Variants in CCSER1 observed in about 807,000 individuals in gnomAD.
CCSER1 encodes serine-rich coiled-coil domain-containing protein 1.
CCSER1 carries 41 observed loss-of-function variants against 82.0 expected under a neutral mutation model. The ratio of observed to expected loss-of-function variants is 0.50; its 90% CI spans 0.39 to 0.65. The LOEUF (loss-of-function observed/expected upper bound fraction) is 0.65, where lower values mean the gene tolerates loss of function less well. Among genes scored for constraint, CCSER1 ranks in the 30% least tolerant of loss-of-function variants. CCSER1 has a pLI of 0.00. For missense variants in CCSER1, 1,119 were observed against 1,064.2 expected, an observed-to-expected ratio of 1.05 and a Z score of -0.72; for synonymous variants, 414 against 383.9, an observed-to-expected ratio of 1.08 and a Z score of -0.92.
At chr4:90,834,278 T>C (rs186748437) in intron 8 of CCSER1, among the ~76,000 whole-genome samples, 1 of 152,326 alleles carries the variant, frequency 6.6e-6, no homozygotes, top group Admixed American at 6.5e-5. Flanking sequence ...AATTTATTTC[T>C]TGCTAAAAAA....
intron 10 of CCSER1, among the ~76,000 whole-genome samples, chr4:91,178,410 G>GTGT (rs34574845): frequency 0.73 from 110,237 of 151,194 alleles, 40,434 homozygotes; most frequent in Non-Finnish European, 0.78. Context: ...TGACAGTGGG[G>GTGT]TAAAGTCTCC....
At chr4:90,521,262 A>C (rs1773090084) in intron 5 of CCSER1, among the ~76,000 whole-genome samples, 1 of 152,164 alleles carries the variant, frequency 6.6e-6, no homozygotes, top group South Asian at 2.1e-4. Flanking sequence ...AAAACCCTTA[A>C]CCTAACCAAT....
chr4:91,277,720 A>G (rs556600363), intron 10 of CCSER1, among the ~76,000 whole-genome samples: 155 of 150,206 alleles, frequency 1.0e-3, no homozygotes, highest in African/African-American at 3.5e-3. Context: ...ATTTTTCTCT[A>G]CTAATTTTGG....
intron 5 of CCSER1, among the ~76,000 whole-genome samples, chr4:90,578,935 T>A (rs57508133): frequency 2.2e-5 from 3 of 133,792 alleles, no homozygotes; most frequent in Non-Finnish European, 3.2e-5. Context: ...TTTAAAGCAT[T>A]GGTACTAATG....
intron 10 of CCSER1, among the ~76,000 whole-genome samples, chr4:91,264,819 G>A (rs1741451849): frequency 6.6e-6 from 1 of 151,908 alleles, no homozygotes; most frequent in Non-Finnish European, 1.5e-5. Context: ...ATTGTGGTTT[G>A]TGAAAGAAAA....
At chr4:91,191,963 T>A (rs1424686581) in intron 10 of CCSER1, among the ~76,000 whole-genome samples, 2 of 152,144 alleles carry the variant, frequency 1.3e-5, no homozygotes, top group Admixed American at 6.6e-5. Context: ...CACTGCTTCA[T>A]CTCCTCTCCT....
chr4:90,816,267 T>C (rs1323253957), intron 8 of CCSER1, among the ~76,000 whole-genome samples: 1 of 152,148 alleles, frequency 6.6e-6, no homozygotes, highest in Non-Finnish European at 1.5e-5. Flanking sequence ...TATAAAGCCA[T>C]CAAAAATACA....
chr4:91,390,984 C>T (rs1339202682), intron 10 of CCSER1, among the ~76,000 whole-genome samples: 3 of 151,910 alleles, frequency 2.0e-5, no homozygotes, highest in African/African-American at 7.3e-5. Flanking sequence ...GTTAGCTTAG[C>T]TAGAGGCTTA....
chr4:90,933,297 C>A (rs1214397294), intron 9 of CCSER1, among the ~76,000 whole-genome samples: 1 of 151,400 alleles, frequency 6.6e-6, no homozygotes, highest in African/African-American at 2.4e-5. Flanking sequence ...ACCGCATTCT[C>A]CTGCCTCAGC....
intron 6 of CCSER1, among the ~76,000 whole-genome samples, chr4:90,629,827 A>G (rs1008946351): frequency 2.0e-5 from 3 of 152,226 alleles, no homozygotes; most frequent in Admixed American, 6.5e-5. Context: ...AATAAATTAT[A>G]TGAACTTAAA....
chr4:91,497,988 T>G (rs1340282667), intron 10 of CCSER1, among the ~76,000 whole-genome samples: 1 of 151,934 alleles, frequency 6.6e-6, no homozygotes, highest in Non-Finnish European at 1.5e-5. Flanking sequence ...ACTGTGCATC[T>G]CCAAGCAACA....
chr4:90,299,172 G>A (rs1732602129), intron 1 of CCSER1, among the ~76,000 whole-genome samples: 1 of 152,004 alleles, frequency 6.6e-6, no homozygotes, highest in Admixed American at 6.6e-5. Flanking sequence ...TCTTTCAAAT[G>A]TGTTCTTCCC....
chr4:90,387,903 A>G (rs1424187554), intron 3 of CCSER1, among the ~76,000 whole-genome samples: 1 of 152,154 alleles, frequency 6.6e-6, no homozygotes, highest in Non-Finnish European at 1.5e-5. Context: ...CAGTTCTGTG[A>G]GTCCTTTCAG....
chr4:90,571,465 G>T (rs1278246100), intron 5 of CCSER1, among the ~76,000 whole-genome samples: 5 of 152,122 alleles, frequency 3.3e-5, no homozygotes, highest in Non-Finnish European at 5.9e-5. Context: ...GGAGGTCATT[G>T]TCATTATCCT....
chr4:91,091,610 G>A (rs1723965670), intron 10 of CCSER1, among the ~76,000 whole-genome samples: 1 of 152,166 alleles, frequency 6.6e-6, no homozygotes, highest in Admixed American at 6.5e-5. Flanking sequence ...TTCCGGGTGT[G>A]ACTGGAGCAG....
intron 10 of CCSER1, among the ~76,000 whole-genome samples, chr4:91,415,460 TG>T (rs1753303693): frequency 6.6e-6 from 1 of 152,154 alleles, no homozygotes; most frequent in African/African-American, 2.4e-5. Context: ...TGATTAAGCA[TG>T]GTAAGGGAGG....
At chr4:90,938,494 T>C (rs1731220522) in intron 9 of CCSER1, among the ~76,000 whole-genome samples, 1 of 152,128 alleles carries the variant, frequency 6.6e-6, no homozygotes, top group Admixed American at 6.5e-5. Flanking sequence ...CCTATAAGCA[T>C]TACTAATATA....
At chr4:90,981,743 A>G (rs1014811001) in intron 9 of CCSER1, among the ~76,000 whole-genome samples, 10 of 151,902 alleles carry the variant, frequency 6.6e-5, no homozygotes, top group African/African-American at 2.2e-4. Flanking sequence ...TGAAGGAGAA[A>G]GGAACTTTCA....
chr4:91,262,907 A>C (rs538171998), intron 10 of CCSER1, among the ~76,000 whole-genome samples: 1 of 152,050 alleles, frequency 6.6e-6, no homozygotes, highest in South Asian at 2.1e-4. Flanking sequence ...AACTCAGGTT[A>C]GCGCAGCCTG....
Sources: gnomAD v4.1 joint callset for allele counts (sites outside exome capture counted in the v4.1 genomes callset) on GRCh38, gnomAD v4.1.1 for gene constraint, MANE v1.5 for transcripts, NCBI Gene and HGNC (gene_info 2026-07-23, HGNC 2026-07-21) for gene names.